NUCKS1: variants seen among roughly 807,000 people sequenced by gnomAD.
The protein encoded by NUCKS1 is nuclear casein kinase and cyclin dependent kinase substrate 1.
NUCKS1 carries 2 observed loss-of-function variants against 33.0 expected under a neutral mutation model. The ratio of observed to expected loss-of-function variants is 0.06; its 90% CI spans 0.02 to 0.19. The LOEUF is 0.19. NUCKS1 is among the 10% of genes least tolerant of loss of function. The pLI, the probability that NUCKS1 is intolerant of heterozygous loss-of-function variation, is 1.00. For missense variants in NUCKS1, 201 were observed against 293.6 expected, an observed-to-expected ratio of 0.68 and a Z score of 2.31; for synonymous variants, 106 against 102.8, an observed-to-expected ratio of 1.03 and a Z score of -0.19.
chr1:205,717,728 T>G lies in NUCKS1; in HGVS notation c.*552A>C. 4.1e-6 allele frequency: 4 copies of G among 985,346 alleles called. No individual in the cohort carries two copies. The highest frequency in any genetic ancestry group is 4.8e-6 in the Non-Finnish European group (4 of 829,886). 61.0% of individuals were successfully genotyped at this position (985,346 alleles called of 1,614,324 possible). On this transcript the variant is annotated 3_prime_UTR_variant, in exon 7 of 7. Coordinates refer to ENST00000367142, the MANE Select transcript of NUCKS1 (RefSeq NM_022731.5). ...CCTCATCGGTGGAAGTTTAAAGTCA[T>G]GATTTTTTTTAGACATTGATACTTG...
intron 1 of NUCKS1, among the ~76,000 whole-genome samples, chr1:205,744,947 A>C (rs1163959771): frequency 6.6e-6 from 1 of 152,076 alleles, no homozygotes; most frequent in Non-Finnish European, 1.5e-5. Context: ...GAGAGATATT[A>C]ATGTGATTGT....
chr1:205,725,929 G>A (rs769136119), intron 3 of NUCKS1, among the ~76,000 whole-genome samples: 1 of 152,268 alleles, frequency 6.6e-6, no homozygotes, highest in East Asian at 1.9e-4. Context: ...GGCCCGGCGC[G>A]GTGGCTCATG....
At chr1:205,737,690 A>T (rs1326480858) in intron 1 of NUCKS1, among the ~76,000 whole-genome samples, 1 of 152,282 alleles carries the variant, frequency 6.6e-6, no homozygotes, top group African/African-American at 2.4e-5. Context: ...AGTTCATTTA[A>T]ATCAGTGACA....
At chr1:205,721,384 G>T (rs1671913563) in intron 4 of NUCKS1, among the ~76,000 whole-genome samples, 1 of 152,146 alleles carries the variant, frequency 6.6e-6, no homozygotes, top group African/African-American at 2.4e-5. Flanking sequence ...ACAAGGGAAT[G>T]TAATTTTAAG....
chr1:205,739,002 T>A (rs1426908985), intron 1 of NUCKS1, among the ~76,000 whole-genome samples: 1 of 152,214 alleles, frequency 6.6e-6, no homozygotes, highest in Non-Finnish European at 1.5e-5. Flanking sequence ...ACATTTTTTG[T>A]GTGTGAATCC....
In NUCKS1 at chr1:205,714,010, A is replaced by G. The variant is rs2102425582; in HGVS notation, c.*4270T>C. ...GCCTTTCTTTAACCTTGTAGGAATT[A>G]GATGCATAAGGTTTGCTGCAACATG... On this transcript the variant is annotated 3_prime_UTR_variant, in exon 7 of 7. Transcript: ENST00000367142. 6.6e-6 allele frequency: 1 copy of G among 152,332 alleles called. No homozygotes were observed. Among genetic ancestry groups the G allele is most frequent in the African/African-American group, 2.4e-5 (1 of 41,582 alleles). 9.4% of individuals were successfully genotyped at this position (152,332 alleles called of 1,614,324 possible).
At chr1:205,718,671 G>A (rs1208612984) in intron 6 of NUCKS1, among the ~76,000 whole-genome samples, 192 bp from the exon 7 acceptor site, 1 of 152,128 alleles carries the variant, frequency 6.6e-6, no homozygotes, top group Non-Finnish European at 1.5e-5. Context: ...CTGGTCATAA[G>A]TTACTACACT....
intron 4 of NUCKS1, 105 bp from the exon 5 acceptor site, chr1:205,720,758 C>T: frequency 8.8e-7 from 1 of 1,136,598 alleles, no homozygotes; most frequent in South Asian, 1.6e-5. Context: ...ACTGAAAAGG[C>T]CAACACAGTG....
At chr1:205,731,887 C>A (rs886919899) in intron 1 of NUCKS1, among the ~76,000 whole-genome samples, 1 of 147,448 alleles carries the variant, frequency 6.8e-6, no homozygotes, top group Non-Finnish European at 1.5e-5. Flanking sequence ...AAGAGAGAGA[C>A]TCCGTCTCAA....
intron 1 of NUCKS1, among the ~76,000 whole-genome samples, chr1:205,744,011 G>A (rs823127): frequency 0.7 from 105,952 of 151,952 alleles, 38,392 homozygotes; most frequent in Non-Finnish European, 0.81. Context: ...CCTTTTTCTC[G>A]GCAAAGGTTC....
intron 1 of NUCKS1, among the ~76,000 whole-genome samples, chr1:205,741,278 C>G (rs1236149385): frequency 8.9e-6 from 1 of 112,052 alleles, no homozygotes; most frequent in African/African-American, 3.5e-5. Flanking sequence ...CCAGCCTGGG[C>G]GACAGAGCGA....
intron 1 of NUCKS1, among the ~76,000 whole-genome samples, chr1:205,730,849 A>AT: frequency 1.3e-5 from 2 of 152,296 alleles, no homozygotes; most frequent in East Asian, 3.9e-4. Context: ...AAAACAGCAA[A>AT]ATGAGCCAAA....
chr1:205,737,145 T>C (rs1446270465), intron 1 of NUCKS1, among the ~76,000 whole-genome samples: 2 of 152,182 alleles, frequency 1.3e-5, no homozygotes, highest in African/African-American at 2.4e-5. Flanking sequence ...ATAATATGAT[T>C]ATAAAAAGAT....
At chr1:205,734,147 G>A (rs1391518276) in intron 1 of NUCKS1, among the ~76,000 whole-genome samples, 1 of 151,762 alleles carries the variant, frequency 6.6e-6, no homozygotes, top group African/African-American at 2.4e-5. Flanking sequence ...CCAAAATGCT[G>A]GGATTACAGG....
chr1:205,749,358 A>G (rs1654416473), intron 1 of NUCKS1, among the ~76,000 whole-genome samples: 1 of 152,234 alleles, frequency 6.6e-6, no homozygotes, highest in Non-Finnish European at 1.5e-5. Context: ...GGTCCCGCCC[A>G]CGCTCGGCCC....
chr1:205,723,697 T>C (rs938471857), intron 4 of NUCKS1, among the ~76,000 whole-genome samples: 1 of 152,184 alleles, frequency 6.6e-6, no homozygotes, highest in Non-Finnish European at 1.5e-5. Context: ...TTAGATCTAT[T>C]TAATCAGAAA....
rs1671783164 is a variant in NUCKS1 at position 205,713,889 on chromosome 1, T to C, written c.*4391A>G. ...ATTAAGGACTAAAATCAAGGAAGACTGGGAGTTTTAGAGCTGGCAAAATGA... is the reference window on the plus strand; with the variant it reads ...ATTAAGGACTAAAATCAAGGAAGACCGGGAGTTTTAGAGCTGGCAAAATGA... On this transcript the variant is annotated 3_prime_UTR_variant, in exon 7 of 7. Transcript: ENST00000367142. 1.3e-5 allele frequency: 2 copies of C among 152,292 alleles called. No homozygotes were observed. The highest frequency in any genetic ancestry group is 4.8e-5 in the African/African-American group (2 of 41,562). 9.4% of individuals were successfully genotyped at this position (152,292 alleles called of 1,614,324 possible).
intron 1 of NUCKS1, among the ~76,000 whole-genome samples, chr1:205,733,579 C>G (rs1411449120): frequency 6.6e-6 from 1 of 151,632 alleles, no homozygotes; most frequent in Non-Finnish European, 1.5e-5. Flanking sequence ...AATTGCTTGA[C>G]AGATCTAAAA....
At chr1:205,746,511 G>C (rs1654338020) in intron 1 of NUCKS1, among the ~76,000 whole-genome samples, 1 of 151,274 alleles carries the variant, frequency 6.6e-6, no homozygotes, top group Admixed American at 6.6e-5. Context: ...GAATGAGCCA[G>C]TCTCATCTAC....
Sources: gnomAD v4.1 joint callset for allele counts (sites outside exome capture counted in the v4.1 genomes callset) on GRCh38, gnomAD v4.1.1 for gene constraint, MANE v1.5 for transcripts, NCBI Gene and HGNC (gene_info 2026-07-23, HGNC 2026-07-21) for gene names.